Variants in VGLL4 observed in about 807,000 individuals in gnomAD.
The protein encoded by VGLL4 is transcription cofactor vestigial-like protein 4.
A neutral mutation model predicts 21.0 loss-of-function variants in VGLL4; 7 were observed. The ratio of observed to expected loss-of-function variants is 0.33; its 90% CI spans 0.19 to 0.63. VGLL4 has a LOEUF of 0.63. Ranked by LOEUF, VGLL4 falls within the 20% of genes least tolerant of loss-of-function variation. VGLL4 has a pLI of 0.78. For missense variants in VGLL4, 394 were observed against 425.7 expected (o/e 0.93, Z 0.66); for synonymous variants, 222 against 173.2 (o/e 1.28, Z -2.21).
intron 1 of VGLL4, among the ~76,000 whole-genome samples, chr3:11,629,650 G>C (rs1575471730): frequency 6.6e-6 from 1 of 151,426 alleles, no homozygotes; most frequent in African/African-American, 2.4e-5. Context: ...GGGAGGCTGA[G>C]GTAGGAGAAT....
chr3:11,713,072 T>C (rs906500171), intron 1 of VGLL4, among the ~76,000 whole-genome samples: 4 of 152,072 alleles, frequency 2.6e-5, no homozygotes, highest in African/African-American at 9.7e-5. Flanking sequence ...GCTAAAACCC[T>C]GAGGACTTTG....
rs748513541 is a variant in VGLL4, at chr3:11,559,337, G to A, written c.614C>T (p.Pro205Leu). 12 of 1,542,092 alleles carry A rather than the reference G, an allele frequency of 7.8e-6. No individual in the cohort carries two copies. The highest frequency in any genetic ancestry group is 1.8e-4 in the Middle Eastern group (1 of 5,460). Residue 205 changes from proline (P) to leucine (L), a missense_variant, in exon 4 of 5, where the codon CCG (proline) becomes CTG (leucine). By Grantham distance (98) the Pro-to-Leu change is moderately conservative (BLOSUM62 -3). Coordinates refer to ENST00000430365, the MANE Select transcript of VGLL4 (RefSeq NM_001128219.3). ...AGGAGGCCCGGGACACTCACCGCTC[G>A]GTGGCCTCCGGTAGCTGGCAGGCCC... is the stretch of plus-strand genomic sequence containing the variant. ...APGPASYRRP[P>L]SAATTCDPVV...
At chr3:11,570,921 C>G (rs2125165045) in intron 2 of VGLL4, among the ~76,000 whole-genome samples, 1 of 152,320 alleles carries the variant, frequency 6.6e-6, no homozygotes, top group Middle Eastern at 3.4e-3. Flanking sequence ...CAGTGAGCAA[C>G]AAGGTGCCTG....
Position 11,719,952 on chromosome 3 carries a change from G to GC in VGLL4, c.-14+441dup, listed in dbSNP as rs1256082480. ...CTGCTGTGGACACGGCATCTCGCAC[G>GC]CCCCCGCCCCCGAGGCCCCGCCAGG... is the stretch of plus-strand genomic sequence containing the variant. On this transcript the variant is annotated intron_variant, in intron 1 of 5. Coordinates refer to the VGLL4 transcript ENST00000273038. This position sits in a 1 kb window ranked among gnomAD's most constrained non-coding sequence, Gnocchi z 4.0. 0.045 allele frequency among the ~76,000 whole-genome samples: 9 copies of GC among 202 alleles called. No individual in the cohort carries two copies. The highest frequency in any genetic ancestry group is 0.21 in the Admixed American group (8 of 38). The allele number at this position is 202 out of a possible 152,430, so 0.1% of individuals were successfully genotyped here. A position where few individuals can be genotyped will look rare whatever the true frequency, so the allele number is the denominator to read the frequency against.
intron 3 of VGLL4, among the ~76,000 whole-genome samples, chr3:11,562,767 G>A (rs901130788): frequency 6.6e-6 from 1 of 152,284 alleles, no homozygotes; most frequent in African/African-American, 2.4e-5. Context: ...TGACAGCTCC[G>A]GTCAGGGCCA....
At chr3:11,689,849 G>A (rs2076501952) in intron 2 of VGLL4, among the ~76,000 whole-genome samples, 1 of 152,182 alleles carries the variant, frequency 6.6e-6, no homozygotes, top group South Asian at 2.1e-4. Context: ...GGCAGAGTGG[G>A]GGACAAACAC....
At chr3:11,706,768 TCAA>T (rs3079815) in intron 1 of VGLL4, among the ~76,000 whole-genome samples, 110,107 of 151,668 alleles carry the variant, frequency 0.73, 40,437 homozygotes, top group African/African-American at 0.81. Flanking sequence ...TCATCCTGAG[TCAA>T]CAACAGTCTG....
intron 2 of VGLL4, among the ~76,000 whole-genome samples, chr3:11,599,820 C>G (rs1156369360): frequency 6.6e-6 from 1 of 150,926 alleles, no homozygotes; most frequent in African/African-American, 2.4e-5. Context: ...CTGCGCCTAG[C>G]CACAAAATTA....
intron 1 of VGLL4, among the ~76,000 whole-genome samples, chr3:11,604,167 T>C (rs1480840476): frequency 6.6e-6 from 1 of 152,086 alleles, no homozygotes; most frequent in East Asian, 1.9e-4. Flanking sequence ...CCAGGGACTG[T>C]GACAGACGCC....
At chr3:11,670,917 A>T (rs191553055) in intron 2 of VGLL4, among the ~76,000 whole-genome samples, 1 of 151,630 alleles carries the variant, frequency 6.6e-6, no homozygotes, top group African/African-American at 2.4e-5. Flanking sequence ...CATGCCTGTA[A>T]TTGCAGCTAC....
At chr3:11,631,255 T>C (rs185125063) in intron 1 of VGLL4, among the ~76,000 whole-genome samples, 1 of 149,218 alleles carries the variant, frequency 6.7e-6, no homozygotes, top group Non-Finnish European at 1.5e-5. Context: ...GCGATGAGAA[T>C]GCTCTCCCTC....
At chr3:11,672,343 T>A (rs1360584197) in intron 2 of VGLL4, among the ~76,000 whole-genome samples, 2 of 151,394 alleles carry the variant, frequency 1.3e-5, no homozygotes, top group African/African-American at 2.4e-5. Context: ...AGAGTTAAAA[T>A]AGCTCAAGAA....
intron 3 of VGLL4, among the ~76,000 whole-genome samples, chr3:11,561,449 A>G (rs1309210721): frequency 6.6e-6 from 1 of 152,148 alleles, no homozygotes; most frequent in Non-Finnish European, 1.5e-5. Flanking sequence ...GCAGATGTGA[A>G]GATGTTCAGT....
At chr3:11,683,120 G>C (rs112639057) in intron 2 of VGLL4, among the ~76,000 whole-genome samples, 2 of 151,780 alleles carry the variant, frequency 1.3e-5, no homozygotes, top group South Asian at 2.1e-4. Context: ...CCAGCTACTC[G>C]GGAGGCTGAG....
intron 1 of VGLL4, among the ~76,000 whole-genome samples, chr3:11,618,720 C>A (rs998926572): frequency 6.6e-6 from 1 of 152,160 alleles, no homozygotes; most frequent in Non-Finnish European, 1.5e-5. Context: ...AACCTGAAAA[C>A]AAATATTCCA....
intron 2 of VGLL4, among the ~76,000 whole-genome samples, chr3:11,669,339 G>A (rs1046971011): frequency 5.9e-5 from 9 of 152,182 alleles, no homozygotes; most frequent in African/African-American, 1.4e-4. Context: ...GAGCTGTGAC[G>A]CCACTGCACT....
intron 2 of VGLL4, among the ~76,000 whole-genome samples, chr3:11,682,046 G>A (rs1389023851): frequency 1.3e-5 from 2 of 152,192 alleles, no homozygotes; most frequent in East Asian, 1.9e-4. Context: ...ATCACTTGAG[G>A]TCAGGAGTTC....
chr3:11,659,480 C>T (rs1031238441), intron 2 of VGLL4, among the ~76,000 whole-genome samples: 1 of 151,822 alleles, frequency 6.6e-6, no homozygotes, highest in Admixed American at 6.6e-5. Context: ...TAGAGGCATG[C>T]ACCACCACGC....
chr3:11,666,204 A>AT (rs1240917700), intron 2 of VGLL4, among the ~76,000 whole-genome samples: 1 of 150,020 alleles, frequency 6.7e-6, no homozygotes, highest in Non-Finnish European at 1.5e-5. Flanking sequence ...GTGAGCCGAG[A>AT]TGTGCCGCTG....
Sources: gnomAD v4.1 joint callset for allele counts (sites outside exome capture counted in the v4.1 genomes callset) on GRCh38, gnomAD v4.1.1 for gene constraint, Gnocchi (gnomAD v3.1) non-coding constraint, MANE v1.5 for transcripts, NCBI Gene and HGNC (gene_info 2026-07-23, HGNC 2026-07-21) for gene names.